Variants in KCNH5 observed in about 807,000 individuals in gnomAD.
The protein encoded by KCNH5 is voltage-gated delayed rectifier potassium channel KCNH5.
In KCNH5, 46 loss-of-function variants were observed where a neutral mutation model predicts 96.1. The observed-to-expected ratio is 0.48, with a 90% confidence interval of 0.38 to 0.61. The LOEUF is 0.61. KCNH5 is among the 20% of genes least tolerant of loss of function. KCNH5 has a pLI of 0.00. For missense variants in KCNH5, 907 were observed against 1,225.8 expected, an observed-to-expected ratio of 0.74 and a Z score of 3.88; for synonymous variants, 439 against 449.8, an observed-to-expected ratio of 0.98 and a Z score of 0.30.
chr14:62,892,289 AT>A (rs1211379390), intron 7 of KCNH5, among the ~76,000 whole-genome samples: 1 of 152,240 alleles, frequency 6.6e-6, no homozygotes, highest in Non-Finnish European at 1.5e-5. Flanking sequence ...TGGATAGAAA[AT>A]CAAACAGCCA....
intron 6 of KCNH5, among the ~76,000 whole-genome samples, chr14:62,963,196 T>A: frequency 6.6e-6 from 1 of 152,266 alleles, no homozygotes; most frequent in East Asian, 1.9e-4. Flanking sequence ...GTAATTCTTC[T>A]ATGTTGTTAT....
intron 10 of KCNH5, among the ~76,000 whole-genome samples, chr14:62,778,113 A>G (rs1313666571): frequency 1.3e-5 from 2 of 152,138 alleles, no homozygotes; most frequent in African/African-American, 4.8e-5. Flanking sequence ...GTAATCTTGC[A>G]GTATGGGGGA....
At chr14:63,012,747 T>C (rs377259737) in intron 2 of KCNH5, among the ~76,000 whole-genome samples, 75 of 152,076 alleles carry the variant, frequency 4.9e-4, no homozygotes, top group African/African-American at 1.6e-3. Context: ...TAGATCATCA[T>C]ACGGTGACAC....
chr14:62,899,740 A>G (rs1888886236), intron 7 of KCNH5, among the ~76,000 whole-genome samples: 1 of 151,078 alleles, frequency 6.6e-6, no homozygotes, highest in South Asian at 2.1e-4. Flanking sequence ...AGGCTGAGGC[A>G]GGAGAATGGC....
chr14:62,850,679 A>G (rs1167507027), intron 7 of KCNH5, among the ~76,000 whole-genome samples: 1 of 152,122 alleles, frequency 6.6e-6, no homozygotes. Flanking sequence ...TGCTGACAGG[A>G]TCCTACAAAA....
intron 10 of KCNH5, among the ~76,000 whole-genome samples, chr14:62,718,226 G>A (rs963885324): frequency 2.6e-5 from 4 of 151,910 alleles, no homozygotes; most frequent in Admixed American, 1.3e-4. Flanking sequence ...TTCAATAGAA[G>A]CCCCAACCTC....
intron 6 of KCNH5, among the ~76,000 whole-genome samples, chr14:62,951,117 A>G (rs968478530): frequency 2.0e-5 from 3 of 152,186 alleles, no homozygotes; most frequent in Admixed American, 2.0e-4. Flanking sequence ...TCCTGCCACA[A>G]TCATGAGAAT....
At chr14:62,819,179 G>C (rs1887063832) in intron 8 of KCNH5, among the ~76,000 whole-genome samples, 2 of 152,146 alleles carry the variant, frequency 1.3e-5, no homozygotes, top group South Asian at 4.1e-4. Flanking sequence ...TGTTTAGCCA[G>C]GATGGTCTCG....
intron 7 of KCNH5, among the ~76,000 whole-genome samples, chr14:62,924,095 T>C (rs1889428138): frequency 6.6e-6 from 1 of 151,890 alleles, no homozygotes; most frequent in African/African-American, 2.4e-5. Flanking sequence ...ATATCCAAAA[T>C]ATATAAGGAA....
chr14:62,873,451 T>A lies in KCNH5; in HGVS notation c.1370-23599A>T, dbSNP rs532171179. 2.4e-4 allele frequency among the ~76,000 whole-genome samples: 37 copies of A among 152,218 alleles called. 2 individuals carry two copies. Among genetic ancestry groups the A allele is most frequent in the African/African-American group, 7.7e-4 (32 of 41,534 alleles). On this transcript the variant is annotated intron_variant, in intron 7 of 10. Coordinates refer to ENST00000322893, the MANE Select transcript of KCNH5 (RefSeq NM_139318.5). Reference sequence around the variant, plus strand: ...CAAATTCATATGATTTATCTGAAAATAAGAACAATATATAAATCAGATTCA... The same window carrying A: ...CAAATTCATATGATTTATCTGAAAAAAAGAACAATATATAAATCAGATTCA...
At chr14:62,769,079 G>A (rs527362749) in intron 10 of KCNH5, among the ~76,000 whole-genome samples, 1 of 152,226 alleles carries the variant, frequency 6.6e-6, no homozygotes, top group Non-Finnish European at 1.5e-5. Context: ...TGGAATTGGA[G>A]CCAGCTTGGA....
chr14:62,934,296 T>C (rs769640527), intron 7 of KCNH5, among the ~76,000 whole-genome samples: 20 of 152,150 alleles, frequency 1.3e-4, no homozygotes, highest in Non-Finnish European at 2.5e-4. Context: ...AACACACTTA[T>C]ATAGTTTTGT....
intron 4 of KCNH5, among the ~76,000 whole-genome samples, chr14:62,994,947 C>G (rs1890879797): frequency 6.6e-6 from 1 of 152,064 alleles, no homozygotes; most frequent in Admixed American, 6.6e-5. Flanking sequence ...TGGTATAATT[C>G]AAAGATAGTG....
intron 8 of KCNH5, among the ~76,000 whole-genome samples, chr14:62,810,518 A>G (rs1434822753): frequency 6.6e-6 from 1 of 152,108 alleles, no homozygotes; most frequent in African/African-American, 2.4e-5. Flanking sequence ...CACAAGATAC[A>G]GGTCATAAAG....
intron 7 of KCNH5, among the ~76,000 whole-genome samples, chr14:62,924,237 C>G (rs549837691): frequency 2.5e-4 from 38 of 151,996 alleles, no homozygotes; most frequent in Non-Finnish European, 4.1e-4. Flanking sequence ...CATCATTAGT[C>G]ATTAGGAAAT....
At chr14:62,785,015 A>G (rs1025744145) in intron 9 of KCNH5, among the ~76,000 whole-genome samples, 7 of 152,226 alleles carry the variant, frequency 4.6e-5, no homozygotes, top group Non-Finnish European at 8.8e-5. Flanking sequence ...ATCAGAATTC[A>G]CTTTGTGTAA....
At chr14:62,771,883 C>A (rs1885995193) in intron 10 of KCNH5, among the ~76,000 whole-genome samples, 1 of 152,106 alleles carries the variant, frequency 6.6e-6, no homozygotes, top group African/African-American at 2.4e-5. Flanking sequence ...CTTCTCTGGC[C>A]ATGATCACTC....
At chr14:62,799,897 G>T in intron 9 of KCNH5, among the ~76,000 whole-genome samples, 1 of 143,610 alleles carries the variant, frequency 7.0e-6, no homozygotes, top group African/African-American at 2.6e-5. Context: ...GATAATTTTT[G>T]TAACTTTTCA....
chr14:62,886,020 G>A (rs1453238176), intron 7 of KCNH5, among the ~76,000 whole-genome samples: 11 of 152,182 alleles, frequency 7.2e-5, no homozygotes, highest in East Asian at 5.8e-4. Flanking sequence ...TACATTCTGT[G>A]TTGCCAACAC....
Sources: gnomAD v4.1 joint callset for allele counts (sites outside exome capture counted in the v4.1 genomes callset) on GRCh38, gnomAD v4.1.1 for gene constraint, MANE v1.5 for transcripts, NCBI Gene and HGNC (gene_info 2026-07-23, HGNC 2026-07-21) for gene names.